Variants in CLYBL observed in about 807,000 individuals in gnomAD.
CLYBL encodes citramalyl-CoA lyase, also known as citramalyl-CoA lyase, mitochondrial.
CLYBL carries 31 observed loss-of-function variants against 38.9 expected under a neutral mutation model. The observed-to-expected ratio is 0.80, with a 90% CI of 0.60 to 1.08. The LOEUF (loss-of-function observed/expected upper bound fraction) is 1.08. CLYBL is among the 50% of genes least tolerant of loss of function. CLYBL has a pLI of 0.00. For synonymous variants in CLYBL, 171 were observed against 158.6 expected, an observed-to-expected ratio of 1.08 and a Z score of -0.59; for missense variants, 434 against 411.6, an observed-to-expected ratio of 1.05 and a Z score of -0.47.
rs2051291820 is a variant in CLYBL, at chr13:99,849,904, A to G, written c.250-8957A>G. Among the ~76,000 whole-genome samples, 1 of 152,230 alleles carries G rather than the reference A, an allele frequency of 6.6e-6. No individual in the cohort carries two copies. ...CACTGGAGTTTTCTCTTTCCTGGGA[A>G]TTTCATTGTATTTTGTTGAAAAATA... On this transcript the variant is annotated intron_variant, in intron 2 of 8. Coordinates refer to ENST00000339105, the MANE Select transcript of CLYBL (RefSeq NM_206808.5). This position sits in a 1 kb window ranked among gnomAD's most constrained non-coding sequence, Gnocchi z 4.9.
At chr13:99,886,259 A>G (rs2052346752) in intron 7 of CLYBL, among the ~76,000 whole-genome samples, 1 of 152,150 alleles carries the variant, frequency 6.6e-6, no homozygotes, top group Admixed American at 6.5e-5. Flanking sequence ...TTTCTAGAAA[A>G]TTACTCTTTT....
chr13:99,828,588 G>A (rs915556436), intron 2 of CLYBL, among the ~76,000 whole-genome samples: 1 of 152,136 alleles, frequency 6.6e-6, no homozygotes, highest in Non-Finnish European at 1.5e-5. Context: ...AAAATCAGAT[G>A]TTCTCAGTGG....
chr13:99,797,168 C>T (rs2050038457), intron 2 of CLYBL, among the ~76,000 whole-genome samples: 1 of 152,122 alleles, frequency 6.6e-6, no homozygotes, highest in South Asian at 2.1e-4. Context: ...GTTCAGAGTG[C>T]ATCTTAGTCT....
intron 2 of CLYBL, among the ~76,000 whole-genome samples, chr13:99,825,261 C>T (rs899899598): frequency 2.6e-5 from 4 of 152,264 alleles, no homozygotes; most frequent in Non-Finnish European, 5.9e-5. Flanking sequence ...GATGGCTGTA[C>T]GACGTCAGGA....
chr13:99,888,413 A>C (rs1165356312), intron 7 of CLYBL, among the ~76,000 whole-genome samples: 1 of 152,216 alleles, frequency 6.6e-6, no homozygotes, highest in Non-Finnish European at 1.5e-5. Flanking sequence ...AACTGCTCAA[A>C]AAATTATAGC....
intron 1 of CLYBL, among the ~76,000 whole-genome samples, chr13:99,755,757 T>G (rs2049051805): frequency 3.3e-5 from 5 of 152,118 alleles, no homozygotes; most frequent in Non-Finnish European, 4.4e-5. Flanking sequence ...GCACACCCCC[T>G]CAGTTTGGAC....
intron 1 of CLYBL, among the ~76,000 whole-genome samples, chr13:99,666,816 C>A (rs2139349248): frequency 6.6e-6 from 1 of 152,238 alleles, no homozygotes; most frequent in Middle Eastern, 3.4e-3. Flanking sequence ...GATGGACAAA[C>A]CCACCTATGT....
chr13:99,716,169 ATTTTTTTTTTTTT>A lies in CLYBL; in HGVS notation c.63-56629_63-56617del, dbSNP rs4001024. ...AAATTGTCCTTGCTTTATTGGTGTA[ATTTTTTTTTTTTT>A]TTTTTTTTTTTTTTTTTTTTTTTTT... On this transcript the variant is annotated intron_variant, in intron 1 of 8. Transcript: ENST00000339105. 2.0e-3 allele frequency among the ~76,000 whole-genome samples: 66 copies of A among 33,452 alleles called. 1 individual carries two copies. Among genetic ancestry groups the A allele is most frequent in the African/African-American group, 3.8e-3 (38 of 10,118 alleles). The allele number at this position is 33,452 out of a possible 152,430, so 21.9% of individuals were successfully genotyped here.
At chr13:99,715,181 T>C (rs534635471) in intron 1 of CLYBL, among the ~76,000 whole-genome samples, 1 of 152,234 alleles carries the variant, frequency 6.6e-6, no homozygotes, top group South Asian at 2.1e-4. Context: ...TCCAGCATTC[T>C]AGAAGCCAAG....
At chr13:99,706,457 G>C (rs994249503) in intron 1 of CLYBL, among the ~76,000 whole-genome samples, 1 of 152,152 alleles carries the variant, frequency 6.6e-6, no homozygotes, top group Non-Finnish European at 1.5e-5. Flanking sequence ...AGGTAGGCAC[G>C]GTGGCTGTGC....
In CLYBL at chr13:99,608,061, CTTTTTTTTTTT is replaced by C. The variant is rs56149363; in HGVS notation, c.62+1319_62+1329del. Among the ~76,000 whole-genome samples, 10 of 75,048 alleles carry C rather than the reference CTTTTTTTTTTT, an allele frequency of 1.3e-4. No individual in the cohort carries two copies. The South Asian group carries it at 4.2e-3, about 32-fold the overall frequency. 49.2% of individuals were successfully genotyped at this position (75,048 alleles called of 152,430 possible). A position where few individuals can be genotyped will look rare whatever the true frequency, so the allele number is the denominator to read the frequency against. On this transcript the variant is annotated intron_variant, in intron 1 of 8. Coordinates refer to ENST00000339105, the MANE Select transcript of CLYBL (RefSeq NM_206808.5). ...TGGCCGGCCTGGTGGTCTGGAACTT[CTTTTTTTTTTT>C]TTTTTTTTTTTTTTCCGAGATGGAG...
chr13:99,780,620 C>T lies in CLYBL; in HGVS notation c.249+7610C>T, dbSNP rs574636456. ...CCGGATCTCCTGACCTCATGATCTG[C>T]CCGTCTCGGCCTCCCAAAGTGCTGG... On this transcript the variant is annotated intron_variant, in intron 2 of 8. Coordinates refer to ENST00000339105, the MANE Select transcript of CLYBL (RefSeq NM_206808.5). Among the ~76,000 whole-genome samples, 107 of 151,950 alleles carry T rather than the reference C, an allele frequency of 7.0e-4. 1 individual carries two copies. In the South Asian group the frequency reaches 0.016, roughly 22 times the overall value.
intron 1 of CLYBL, among the ~76,000 whole-genome samples, chr13:99,668,071 C>T (rs1306339730): frequency 2.0e-5 from 3 of 151,692 alleles, no homozygotes; most frequent in East Asian, 3.9e-4. Flanking sequence ...GTCAGAAGTT[C>T]GAGAACAGCC....
chr13:99,634,385 A>G (rs922127070), intron 1 of CLYBL, among the ~76,000 whole-genome samples: 5 of 152,222 alleles, frequency 3.3e-5, no homozygotes, highest in African/African-American at 1.2e-4. Context: ...ATAACCCCAG[A>G]TGATAACTTG....
intron 1 of CLYBL, among the ~76,000 whole-genome samples, chr13:99,667,978 A>C (rs2047507501): frequency 6.6e-6 from 1 of 152,244 alleles, no homozygotes. Context: ...CTTCATCTTC[A>C]ATAGAACATT....
At chr13:99,686,825 C>T (rs1003186438) in intron 1 of CLYBL, among the ~76,000 whole-genome samples, 3 of 152,160 alleles carry the variant, frequency 2.0e-5, no homozygotes, top group Non-Finnish European at 4.4e-5. Flanking sequence ...TTTAAAGTGT[C>T]TCAGCCGGGG....
chr13:99,907,137 A>G (rs1429986600), intron 9 of CLYBL, among the ~76,000 whole-genome samples: 1 of 152,204 alleles, frequency 6.6e-6, no homozygotes, highest in Non-Finnish European at 1.5e-5. Flanking sequence ...TGCTTTTCCT[A>G]TAAAGTCAAG....
chr13:99,752,697 C>T (rs1380965477), intron 1 of CLYBL, among the ~76,000 whole-genome samples: 1 of 152,046 alleles, frequency 6.6e-6, no homozygotes, highest in East Asian at 1.9e-4. Flanking sequence ...CTCTTTCCTT[C>T]ACCGGCTCCC....
chr13:99,722,598 T>C lies in CLYBL; in HGVS notation c.63-50226T>C, dbSNP rs536721533. ...ATGAGTGAATGAATGAATGCATTTT[T>C]CACTTCCAGTAGCAGATAGAAGCAG... On this transcript the variant is annotated intron_variant, in intron 1 of 8. Coordinates refer to ENST00000339105, the MANE Select transcript of CLYBL (RefSeq NM_206808.5). Among the ~76,000 whole-genome samples the C allele has an allele frequency of 2.0e-4, 30 of 152,324 alleles. No homozygotes were observed. The South Asian group carries it at 6.0e-3, about 31-fold the overall frequency.
Sources: allele counts gnomAD v4.1 joint callset (sites outside exome capture counted in the v4.1 genomes callset), GRCh38; gene constraint gnomAD v4.1.1; non-coding constraint Gnocchi (gnomAD v3.1); transcripts MANE v1.5; gene names NCBI Gene and HGNC (gene_info 2026-07-23, HGNC 2026-07-21).